Variants in PTPRD observed in about 807,000 individuals in gnomAD.
The protein encoded by PTPRD is protein tyrosine phosphatase receptor type D, also known as receptor-type tyrosine-protein phosphatase delta.
PTPRD carries 34 observed loss-of-function variants against 214.5 expected under a neutral mutation model. The ratio of observed to expected loss-of-function variants is 0.16; its 90% CI spans 0.12 to 0.21. The LOEUF (loss-of-function observed/expected upper bound fraction) is 0.21, where lower values mean the gene tolerates loss of function less well. Ranked by LOEUF, PTPRD falls within the 10% of genes least tolerant of loss-of-function variation. The pLI, the probability that PTPRD is intolerant of heterozygous loss-of-function variation, is 1.00. For missense variants in PTPRD, 2,545 were observed against 2,398.7 expected (o/e 1.06, Z -1.27); for synonymous variants, 1,128 against 845.7 (o/e 1.33, Z -5.79).
chr9:8,923,285 G>A (rs965730593), intron 11 of PTPRD, among the ~76,000 whole-genome samples: 5 of 151,642 alleles, frequency 3.3e-5, no homozygotes, highest in Admixed American at 1.3e-4. Context: ...TAGGTGATCC[G>A]CCTGCTTCTG....
chr9:10,217,189 G>A (rs981666476), intron 3 of PTPRD, among the ~76,000 whole-genome samples: 6 of 151,366 alleles, frequency 4.0e-5, no homozygotes, highest in South Asian at 2.1e-4. Context: ...ATTTACTTGT[G>A]AAACATGTTT....
intron 11 of PTPRD, among the ~76,000 whole-genome samples, chr9:8,909,346 C>T (rs2098730846): frequency 6.6e-6 from 1 of 152,000 alleles, no homozygotes; most frequent in South Asian, 2.1e-4. Context: ...TGGACATAGA[C>T]ACAACAATTT....
At chr9:9,654,314 A>G (rs937476271) in intron 7 of PTPRD, among the ~76,000 whole-genome samples, 7 of 152,312 alleles carry the variant, frequency 4.6e-5, no homozygotes, top group African/African-American at 1.7e-4. Flanking sequence ...TACTCTTCTT[A>G]TAAAAAGTTT....
At chr9:8,737,626 G>A (rs2154441367) in intron 11 of PTPRD, among the ~76,000 whole-genome samples, 1 of 151,942 alleles carries the variant, frequency 6.6e-6, no homozygotes, top group East Asian at 1.9e-4. Context: ...CTCAGCAGAA[G>A]CCAACCCTTT....
intron 8 of PTPRD, among the ~76,000 whole-genome samples, chr9:9,451,081 T>C (rs1168535916): frequency 6.7e-6 from 1 of 149,412 alleles, no homozygotes; most frequent in African/African-American, 2.5e-5. Context: ...AAAGCAAAAA[T>C]TGTAGAAGTT....
At chr9:8,838,053 C>T (rs1384831268) in intron 11 of PTPRD, among the ~76,000 whole-genome samples, 3 of 151,940 alleles carry the variant, frequency 2.0e-5, no homozygotes, top group Admixed American at 6.6e-5. Context: ...TGAATAAACA[C>T]AAGAAAGCAC....
rs2074961277 is a variant in PTPRD at position 10,589,773 on chromosome 9, G to T, written c.-600+22625C>A. 2.0e-5 allele frequency among the ~76,000 whole-genome samples: 3 copies of T among 152,144 alleles called. No individual in the cohort carries two copies. In the South Asian group the frequency reaches 6.2e-4, roughly 32 times the overall value. ...GGCTTAGAATCAGGATAAGAGGAAA[G>T]CAAGCATTAGAGGAGGTCAAGTGAT... On this transcript the variant is annotated intron_variant, in intron 2 of 45. Coordinates refer to ENST00000381196, the MANE Select transcript of PTPRD (RefSeq NM_002839.4).
chr9:8,403,829 G>C (rs1358736490), intron 36 of PTPRD, among the ~76,000 whole-genome samples: 1 of 152,096 alleles, frequency 6.6e-6, no homozygotes, highest in Non-Finnish European at 1.5e-5. Context: ...TGGATATCCA[G>C]ATTTATTTAC....
chr9:9,825,611 A>C lies in PTPRD; in HGVS notation c.-367-58760T>G, dbSNP rs181054630. On this transcript the variant is annotated intron_variant, in intron 5 of 45. Coordinates refer to ENST00000381196, the MANE Select transcript of PTPRD (RefSeq NM_002839.4). ...AATCACATTTTAAATGTTCACCATTAACTAGTTGTCTGAAGCTTATTCTAC... is the reference window on the plus strand; with the variant it reads ...AATCACATTTTAAATGTTCACCATTCACTAGTTGTCTGAAGCTTATTCTAC... Among the ~76,000 whole-genome samples the C allele has an allele frequency of 3.0e-4, 46 of 152,040 alleles. No homozygotes were observed. The East Asian group carries it at 8.7e-3, about 29-fold the overall frequency.
chr9:9,096,628 T>G (rs1413594765), intron 10 of PTPRD, among the ~76,000 whole-genome samples: 2 of 152,172 alleles, frequency 1.3e-5, no homozygotes, highest in Non-Finnish European at 2.9e-5. Flanking sequence ...ATAGAGATTA[T>G]CAGAATAGAA....
intron 3 of PTPRD, among the ~76,000 whole-genome samples, chr9:10,059,385 A>C (rs943530367): frequency 6.6e-6 from 1 of 152,128 alleles, no homozygotes; most frequent in Non-Finnish European, 1.5e-5. Flanking sequence ...GGCCACAGTC[A>C]CAATTGCAGC....
At chr9:9,894,630 A>G (rs535948719) in intron 5 of PTPRD, among the ~76,000 whole-genome samples, 115 of 152,048 alleles carry the variant, frequency 7.6e-4, no homozygotes, top group African/African-American at 2.5e-3. Flanking sequence ...CTCCCACATC[A>G]CACTGCATGC....
At chr9:8,472,446 C>T (rs187227800) in intron 30 of PTPRD, among the ~76,000 whole-genome samples, 1 of 152,192 alleles carries the variant, frequency 6.6e-6, no homozygotes, top group Non-Finnish European at 1.5e-5. Flanking sequence ...AAAGCAAAAC[C>T]TGTAATAAAC....
intron 10 of PTPRD, among the ~76,000 whole-genome samples, chr9:9,066,862 G>C (rs141586336): frequency 1.3e-5 from 2 of 152,196 alleles, no homozygotes; most frequent in African/African-American, 2.4e-5. Context: ...CTCTGATTTT[G>C]TTCTTCTGGC....
Position 9,780,875 on chromosome 9 carries a change from C to G in PTPRD, c.-367-14024G>C, listed in dbSNP as rs140343602. On this transcript the variant is annotated intron_variant, in intron 5 of 45. Coordinates refer to ENST00000381196, the MANE Select transcript of PTPRD (RefSeq NM_002839.4). ...GATAAAATGATATCAACTATCAAGC[C>G]AAGACAAAGCATGGAGGAACCTGAA... Among the ~76,000 whole-genome samples the G allele has an allele frequency of 5.6e-3, 855 of 152,234 alleles. 6 individuals are homozygous for G. The highest frequency in any genetic ancestry group is 0.02 in the African/African-American group (817 of 41,538).
intron 2 of PTPRD, among the ~76,000 whole-genome samples, chr9:10,571,640 C>A (rs1390410240): frequency 6.6e-6 from 1 of 152,078 alleles, no homozygotes; most frequent in African/African-American, 2.4e-5. Context: ...ATGTAAAATG[C>A]CAATATATAA....
intron 9 of PTPRD, among the ~76,000 whole-genome samples, chr9:9,346,522 A>C (rs1461874405): frequency 2.6e-5 from 4 of 152,184 alleles, no homozygotes; most frequent in Non-Finnish European, 5.9e-5. Flanking sequence ...AAAAATTTGA[A>C]AAGATGGAAG....
intron 3 of PTPRD, among the ~76,000 whole-genome samples, chr9:10,167,801 A>AAT (rs1156380716): frequency 6.6e-6 from 1 of 151,686 alleles, no homozygotes; most frequent in East Asian, 1.9e-4. Flanking sequence ...ACCTTCTCCC[A>AAT]ATATAGCTGT....
intron 5 of PTPRD, among the ~76,000 whole-genome samples, chr9:9,789,669 C>G (rs543581456): frequency 6.6e-6 from 1 of 151,490 alleles, no homozygotes; most frequent in East Asian, 2.0e-4. Context: ...TGGTGGTGGG[C>G]GCCTGTAGTC....
Sources: allele counts gnomAD v4.1 joint callset (sites outside exome capture counted in the v4.1 genomes callset), GRCh38; gene constraint gnomAD v4.1.1; transcripts MANE v1.5; gene names NCBI Gene and HGNC (gene_info 2026-07-23, HGNC 2026-07-21).